MTOR: variants seen among roughly 807,000 people sequenced by gnomAD.
MTOR encodes serine/threonine-protein kinase mTOR.
MTOR carries 70 observed loss-of-function variants against 319.8 expected under a neutral mutation model. The ratio of observed to expected loss-of-function variants is 0.22; its 90% CI spans 0.18 to 0.27. The LOEUF (loss-of-function observed/expected upper bound fraction) is 0.27. Among genes scored for constraint, MTOR ranks in the 10% least tolerant of loss-of-function variants. The probability of loss-of-function intolerance (pLI) is 1.00; values close to 1 mark genes in which losing one functional copy is unlikely to be tolerated. For missense variants in MTOR, 1,890 were observed against 3,274.4 expected, an observed-to-expected ratio of 0.58 and a Z score of 10.32; for synonymous variants, 1,183 against 1,211.4, an observed-to-expected ratio of 0.98 and a Z score of 0.49.
intron 13 of MTOR, among the ~76,000 whole-genome samples, chr1:11,234,891 A>G (rs1295582325): frequency 6.6e-6 from 1 of 152,204 alleles, no homozygotes; most frequent in East Asian, 1.9e-4. Flanking sequence ...TATCTTGCTC[A>G]TGGTGACATA....
Position 11,231,391 on chromosome 1 carries a change from T to C in MTOR, c.2558A>G (p.Tyr853Cys). The change falls in exon 17 of 58, where the codon TAT (tyrosine) becomes TGT (cysteine). Residue 853 changes from tyrosine (Y) to cysteine (C), a missense_variant. Transcript: ENST00000361445. ...TLGQLVASTG[Y>C]VVEPYRKYPT... ...GTACTTCCTGTAGGGCTCTACTACA[T>C]AGCCAGTGCTGGCCACCAACTGTCC... 1 of 1,614,158 alleles carries C rather than the reference T, an allele frequency of 6.2e-7. No individual in the cohort carries two copies. Among genetic ancestry groups the C allele is most frequent in the Non-Finnish European group, 8.5e-7 (1 of 1,180,014 alleles).
At position 11,109,463 on chromosome 1, in the gene MTOR, A is replaced by T; in HGVS notation, c.7448-93T>A. On this transcript the variant is annotated intron_variant, in intron 55 of 57. Transcript: ENST00000361445. The surrounding 1 kb of genome is among the most constrained non-coding windows in gnomAD (Gnocchi z 4.0). ...GTTTTTCTCAAATATTCACTTTTGTAAGTGTTAAGCAATCCTTCCTCTATG... is the reference window on the plus strand; with the variant it reads ...GTTTTTCTCAAATATTCACTTTTGTTAGTGTTAAGCAATCCTTCCTCTATG... The T allele has an allele frequency of 7.7e-7, 1 of 1,305,606 alleles. No individual in the cohort carries two copies. The highest frequency in any genetic ancestry group is 1.5e-5 in the African/African-American group (1 of 68,062). The allele number at this position is 1,305,606 out of a possible 1,614,324, so 80.9% of individuals were successfully genotyped here. A position where few individuals can be genotyped will look rare whatever the true frequency, so the allele number is the denominator to read the frequency against.
chr1:11,188,777 T>C (rs940392999), intron 28 of MTOR, among the ~76,000 whole-genome samples: 2 of 152,222 alleles, frequency 1.3e-5, no homozygotes, highest in Non-Finnish European at 2.9e-5. Context: ...TTCTTCTATT[T>C]CTAGAACTTT....
chr1:11,121,122 G>T lies in MTOR; in HGVS notation c.6933+124C>A. 7.5e-7 allele frequency: 1 copy of T among 1,325,232 alleles called. No individual in the cohort carries two copies. The highest frequency in any genetic ancestry group is 1.0e-6 in the Non-Finnish European group (1 of 989,634). 82.1% of individuals were successfully genotyped at this position (1,325,232 alleles called of 1,614,324 possible). A position where few individuals can be genotyped will look rare whatever the true frequency, so the allele number is the denominator to read the frequency against. On this transcript the variant is annotated intron_variant, in intron 49 of 57. Coordinates refer to ENST00000361445, the MANE Select transcript of MTOR (RefSeq NM_004958.4). This position sits in a 1 kb window ranked among gnomAD's most constrained non-coding sequence, Gnocchi z 4.9. ...ATTTCATTTTTGTTAGAAAAGTCTG[G>T]ACACGCTCTACAGCCAATCACAGCA...
chr1:11,128,858 T>C lies in MTOR; in HGVS notation c.5808A>G (p.Leu1936=). The change falls in exon 41 of 58, where the codon CTA becomes CTG. Residue 1936 remains leucine, a synonymous_variant. Coordinates refer to ENST00000361445, the MANE Select transcript of MTOR (RefSeq NM_004958.4). The surrounding 1 kb of genome is among the most constrained non-coding windows in gnomAD (Gnocchi z 5.3). ...ACCTGTAACCAAGTATCCTCACCTG[T>C]AGCCAGGTATCAATCTGGATGGCTT... ...GVKAIQIDTW[L]QVIPQLIARI... The C allele has an allele frequency of 6.2e-7, 1 of 1,611,804 alleles. No homozygotes were observed. Among genetic ancestry groups the C allele is most frequent in the Non-Finnish European group, 8.5e-7 (1 of 1,178,086 alleles).
chr1:11,255,862 A>G, intron 5 of MTOR, 130 bp downstream of exon 5: 1 of 928,472 alleles, frequency 1.1e-6, no homozygotes, highest in Non-Finnish European at 1.6e-6. Flanking sequence ...AAAAAAAAAA[A>G]AAATTCATTT....
At chr1:11,238,179 T>C in intron 12 of MTOR, 131 bp from the exon 13 acceptor site, 1 of 967,234 alleles carries the variant, frequency 1.0e-6, no homozygotes, top group Non-Finnish European at 1.6e-6. Context: ...ACCTCTGTCA[T>C]TCTTTTCTCT....
chr1:11,166,075 T>C (rs1483813694), intron 29 of MTOR, among the ~76,000 whole-genome samples: 2 of 152,066 alleles, frequency 1.3e-5, no homozygotes, highest in East Asian at 1.9e-4. Flanking sequence ...CTTCCTTACA[T>C]CTTATACAAA....
At chr1:11,145,420 A>G (rs546683091) in intron 32 of MTOR, 10 of 225,306 alleles carry the variant, frequency 4.4e-5, no homozygotes, top group Admixed American at 3.7e-4. Context: ...TCTGTCACCC[A>G]GGCTGGAGTG....
Position 11,199,108 on chromosome 1 carries a change from C to T in MTOR, c.4253+150G>A. ...GATTCCTGGGGAGAGCCATCTGCAA[C>T]AACATGTCATTTAAACATGCTGGCC... On this transcript the variant is annotated intron_variant, in intron 28 of 57. Coordinates refer to ENST00000361445, the MANE Select transcript of MTOR (RefSeq NM_004958.4). This position sits in a 1 kb window ranked among gnomAD's most constrained non-coding sequence, Gnocchi z 4.5. 4.2e-6 allele frequency: 4 copies of T among 956,772 alleles called. No homozygotes were observed. In the South Asian group the frequency reaches 6.5e-5, roughly 16 times the overall value. The allele number at this position is 956,772 out of a possible 1,614,324, so 59.3% of individuals were successfully genotyped here.
intron 30 of MTOR, among the ~76,000 whole-genome samples, chr1:11,151,646 A>C (rs1415277937): frequency 6.6e-6 from 1 of 152,260 alleles, no homozygotes; most frequent in East Asian, 1.9e-4. Flanking sequence ...CTGCTGGACC[A>C]GGGGTCACAG....
intron 19 of MTOR, among the ~76,000 whole-genome samples, chr1:11,227,651 C>T (rs1462032972): frequency 1.3e-5 from 2 of 150,324 alleles, no homozygotes; most frequent in Non-Finnish European, 3.0e-5. Context: ...TAAAGAAAGA[C>T]ACAAGAAACA....
rs1294688392 is a variant in MTOR, at chr1:11,237,987, G to A, written c.2064C>T (p.Ala688=). ...SLDERFDAHL[A]QAENLQALFV... ...ACAAGGCCTGCAAGTTCTCCGCCTG[G>A]GCCAGGTGTGCATCAAAGCGCTCGT... The change falls in exon 13 of 58, where the codon GCC becomes GCT. Residue 688 remains alanine, a synonymous_variant. Coordinates refer to ENST00000361445, the MANE Select transcript of MTOR (RefSeq NM_004958.4). The A allele has an allele frequency of 1.9e-6, 3 of 1,614,210 alleles. No individual in the cohort carries two copies. In the Admixed American group the frequency reaches 5.0e-5, roughly 27 times the overall value.
At chr1:11,110,185 A>T (rs753372633) in intron 54 of MTOR, among the ~76,000 whole-genome samples, 2 of 152,178 alleles carry the variant, frequency 1.3e-5, no homozygotes, top group Non-Finnish European at 2.9e-5. Context: ...AAAACTGATA[A>T]AGAAAATTAA....
At chr1:11,148,275 G>A (rs372512842) in intron 31 of MTOR, among the ~76,000 whole-genome samples, 1 of 152,112 alleles carries the variant, frequency 6.6e-6, no homozygotes, top group Non-Finnish European at 1.5e-5. Flanking sequence ...GTCTGGAAAC[G>A]CCTACCTCTA....
chr1:11,119,481 G>T (rs1261037591), intron 49 of MTOR, among the ~76,000 whole-genome samples: 1 of 147,906 alleles, frequency 6.8e-6, no homozygotes. Flanking sequence ...TGAGGCAGAA[G>T]AATGGTGTGA....
At chr1:11,161,406 T>G (rs1054180531) in intron 29 of MTOR, among the ~76,000 whole-genome samples, 8 of 152,256 alleles carry the variant, frequency 5.3e-5, no homozygotes, top group Middle Eastern at 6.8e-3. Context: ...CAGACTTAAA[T>G]GTCCCCGTCT....
rs756102672 is a variant in MTOR at position 11,238,306 on chromosome 1, G to A, written c.2002+96C>T. On this transcript the variant is annotated intron_variant, in intron 12 of 57. Coordinates refer to ENST00000361445, the MANE Select transcript of MTOR (RefSeq NM_004958.4). ...TAGCTGAATATCAGCTTTTTGAGCCGAAGAACTCTAGAGAGGCCATGTAAT... is the reference window on the plus strand; with the variant it reads ...TAGCTGAATATCAGCTTTTTGAGCCAAAGAACTCTAGAGAGGCCATGTAAT... 74 of 1,322,858 alleles carry A rather than the reference G, an allele frequency of 5.6e-5. 1 individual carries two copies. The Admixed American group carries it at 7.0e-4, about 12-fold the overall frequency. The allele number at this position is 1,322,858 out of a possible 1,614,324, so 81.9% of individuals were successfully genotyped here.
intron 28 of MTOR, among the ~76,000 whole-genome samples, chr1:11,198,238 T>C (rs368953734): frequency 2.5e-4 from 38 of 152,368 alleles, no homozygotes; most frequent in Middle Eastern, 3.4e-3. Flanking sequence ...AACTGAAGCA[T>C]GCCTCAGAGG....
Sources: gnomAD v4.1 joint callset for allele counts (sites outside exome capture counted in the v4.1 genomes callset) on GRCh38, gnomAD v4.1.1 for gene constraint, Gnocchi (gnomAD v3.1) non-coding constraint, MANE v1.5 for transcripts, NCBI Gene and HGNC (gene_info 2026-07-23, HGNC 2026-07-21) for gene names.